The following ZNF148 variants were observed in gnomAD, a reference collection of about 807,000 sequenced individuals.
ZNF148 encodes the protein Beta-Enolase Repressor Factor-1.
Under a neutral mutation model 67.7 loss-of-function variants are expected in ZNF148, and 7 were observed. That is an observed-to-expected ratio of 0.10 (90% CI 0.06 to 0.19). The LOEUF (loss-of-function observed/expected upper bound fraction) is 0.19, where lower values mean the gene tolerates loss of function less well. ZNF148 is among the 10% of genes least tolerant of loss of function. The pLI, the probability that ZNF148 is intolerant of heterozygous loss-of-function variation, is 1.00. For synonymous variants in ZNF148, 333 were observed against 330.7 expected, an observed-to-expected ratio of 1.01 and a Z score of -0.08; for missense variants, 583 against 947.1, an observed-to-expected ratio of 0.62 and a Z score of 5.05.
intron 7 of ZNF148, among the ~76,000 whole-genome samples, chr3:125,260,317 G>C (rs561539147): frequency 6.6e-6 from 1 of 152,048 alleles, no homozygotes; most frequent in African/African-American, 2.4e-5. Flanking sequence ...AAAAAACACT[G>C]TAATTTGCAA....
chr3:125,320,398 T>A (rs1020666723), intron 3 of ZNF148, among the ~76,000 whole-genome samples: 3 of 152,232 alleles, frequency 2.0e-5, no homozygotes, highest in African/African-American at 7.2e-5. Flanking sequence ...CCTTTCTGAA[T>A]GTATATGAAC....
At position 125,286,372 on chromosome 3, in the gene ZNF148, A is replaced by G. The variant is rs570207195; in HGVS notation, c.459+1731T>C. Among the ~76,000 whole-genome samples the G allele has an allele frequency of 6.6e-5, 10 of 152,304 alleles. No homozygotes were observed. In the South Asian group the frequency reaches 2.1e-3, roughly 32 times the overall value. On this transcript the variant is annotated intron_variant, in intron 5 of 8. Transcript: ENST00000360647. Reference sequence around the variant, plus strand: ...TAAAGAAATTCAAATTTAAACTATAATGAGGCTCCCATCTTAAGCAAAGTC... The same window carrying G: ...TAAAGAAATTCAAATTTAAACTATAGTGAGGCTCCCATCTTAAGCAAAGTC...
In ZNF148 at chr3:125,233,073, T is replaced by C; in HGVS notation, c.1653A>G (p.Lys551=). Residue 551 remains lysine, a synonymous_variant, in exon 9 of 9, where the codon AAA becomes AAG. Coordinates refer to ENST00000360647, the MANE Select transcript of ZNF148 (RefSeq NM_021964.3). This position sits in a 1 kb window ranked among gnomAD's most constrained non-coding sequence, Gnocchi z 5.1. ...LQTLLDHYSH[K]ANGQHEISFS... ...AGGATATCTCATGCTGTCCATTAGC[T>C]TTGTGGGAATAATGATCCAACAGAG... The C allele has an allele frequency of 1.2e-6, 2 of 1,613,542 alleles. No individual in the cohort carries two copies. The highest frequency in any genetic ancestry group is 8.5e-7 in the Non-Finnish European group (1 of 1,179,838).
intron 7 of ZNF148, among the ~76,000 whole-genome samples, chr3:125,272,103 A>C (rs1347103428): frequency 6.6e-6 from 1 of 152,210 alleles, no homozygotes; most frequent in African/African-American, 2.4e-5. Flanking sequence ...CAACACATGG[A>C]TTACAAAGCC....
chr3:125,312,870 A>C (rs1420087373), intron 4 of ZNF148, among the ~76,000 whole-genome samples: 1 of 152,200 alleles, frequency 6.6e-6, no homozygotes, highest in Non-Finnish European at 1.5e-5. Context: ...TAAACAGATC[A>C]AGCAAGCGGA....
chr3:125,311,869 G>C (rs191864791), intron 4 of ZNF148, among the ~76,000 whole-genome samples: 1 of 152,256 alleles, frequency 6.6e-6, no homozygotes, highest in East Asian at 1.9e-4. Context: ...TTCCTTGGAA[G>C]ACACAATCTG....
At chr3:125,329,729 A>C (rs1263544318) in intron 2 of ZNF148, among the ~76,000 whole-genome samples, 2 of 152,148 alleles carry the variant, frequency 1.3e-5, no homozygotes, top group African/African-American at 2.4e-5. Context: ...AATAGCAAAA[A>C]AAAAAGCCTA....
At chr3:125,363,798 T>C (rs1464723270) in intron 1 of ZNF148, among the ~76,000 whole-genome samples, 1 of 151,972 alleles carries the variant, frequency 6.6e-6, no homozygotes, top group Non-Finnish European at 1.5e-5. Context: ...TACAGGCATG[T>C]GCCACCATGC....
chr3:125,247,888 G>T (rs1007508120), intron 7 of ZNF148, among the ~76,000 whole-genome samples: 3 of 152,106 alleles, frequency 2.0e-5, no homozygotes, highest in African/African-American at 7.2e-5. Context: ...AGTTGATCTA[G>T]GAAGTATACA....
At chr3:125,344,350 C>T in intron 1 of ZNF148, 1 of 581,762 alleles carries the variant, frequency 1.7e-6, no homozygotes, top group Non-Finnish European at 3.1e-6. Flanking sequence ...AGAAAATCCA[C>T]TTCCAAAAGA....
At chr3:125,257,730 T>C (rs924097307) in intron 7 of ZNF148, among the ~76,000 whole-genome samples, 2 of 152,166 alleles carry the variant, frequency 1.3e-5, no homozygotes, top group Admixed American at 6.5e-5. Context: ...AAATTTTTAT[T>C]TTTAATAAAA....
At chr3:125,330,214 C>A (rs1427464136) in intron 2 of ZNF148, among the ~76,000 whole-genome samples, 1 of 152,086 alleles carries the variant, frequency 6.6e-6, no homozygotes, top group Non-Finnish European at 1.5e-5. Flanking sequence ...TCTATAATCC[C>A]AGCACTTTGG....
intron 7 of ZNF148, among the ~76,000 whole-genome samples, chr3:125,251,008 G>A (rs1029323875): frequency 3.3e-5 from 5 of 152,038 alleles, no homozygotes; most frequent in Middle Eastern, 3.2e-3. Flanking sequence ...ATTTTATTTC[G>A]TCTAACCCTT....
At chr3:125,292,783 C>T (rs1231507385) in intron 4 of ZNF148, 3 of 152,198 alleles carry the variant, frequency 2.0e-5, no homozygotes, top group Non-Finnish European at 2.9e-5. Context: ...TATGCCCTTT[C>T]AGGTCATTCA....
chr3:125,310,601 T>C (rs946101451), intron 4 of ZNF148, among the ~76,000 whole-genome samples: 1 of 151,566 alleles, frequency 6.6e-6, no homozygotes, highest in Non-Finnish European at 1.5e-5. Context: ...AAAAAAATTA[T>C]AAAAATTAGA....
chr3:125,353,991 G>A (rs925966719), intron 1 of ZNF148, among the ~76,000 whole-genome samples: 1 of 152,082 alleles, frequency 6.6e-6, no homozygotes, highest in African/African-American at 2.4e-5. Context: ...ATTGCTATAT[G>A]AGAGTTCATA....
chr3:125,352,662 T>A (rs1942195747), intron 1 of ZNF148, among the ~76,000 whole-genome samples: 1 of 138,036 alleles, frequency 7.2e-6, no homozygotes, highest in African/African-American at 2.7e-5. Flanking sequence ...ACCTCTATCT[T>A]AAAAAAAAAA....
At chr3:125,358,297 A>C in intron 1 of ZNF148, among the ~76,000 whole-genome samples, 1 of 152,202 alleles carries the variant, frequency 6.6e-6, no homozygotes, top group East Asian at 1.9e-4. Context: ...TGGGCAACAG[A>C]GCAAGATGCC....
At chr3:125,264,769 A>G (rs1937494447) in intron 7 of ZNF148, among the ~76,000 whole-genome samples, 1 of 152,204 alleles carries the variant, frequency 6.6e-6, no homozygotes, top group Non-Finnish European at 1.5e-5. Context: ...TCAGAACCTC[A>G]TCACTTAATA....
Sources: gnomAD v4.1 joint callset for allele counts (sites outside exome capture counted in the v4.1 genomes callset) on GRCh38, gnomAD v4.1.1 for gene constraint, Gnocchi (gnomAD v3.1) non-coding constraint, MANE v1.5 for transcripts, NCBI Gene and HGNC (gene_info 2026-07-23, HGNC 2026-07-21) for gene names.